Variants in RABL6 observed in about 807,000 individuals in gnomAD.
RABL6 encodes rab-like protein 6.
A neutral mutation model predicts 72.9 loss-of-function variants in RABL6; 28 were observed. The ratio of observed to expected loss-of-function variants is 0.38; its 90% CI spans 0.28 to 0.53. The LOEUF (loss-of-function observed/expected upper bound fraction) is 0.53. Ranked by LOEUF, RABL6 falls within the 20% of genes least tolerant of loss-of-function variation. The pLI is 0.80. For synonymous variants in RABL6, 477 were observed against 421.2 expected (o/e 1.13, Z -1.62); for missense variants, 1,029 against 1,008.4 (o/e 1.02, Z -0.28).
Position 136,808,325 on chromosome 9 carries a change from C to T in RABL6, c.129C>T (p.Asn43=), listed in dbSNP as rs750394073. The change falls in exon 1 of 15, where the codon AAC becomes AAT. Residue 43 remains asparagine (N), a splice_region_variant and synonymous_variant. Coordinates refer to ENST00000311502, the MANE Select transcript of RABL6 (RefSeq NM_024718.5). ...QRRFAKGVQY[N]MKIVIRGDRN... is the part of the protein sequence containing the mutation. ...GCTTCGCCAAGGGGGTGCAGTACAA[C>T]AGTGAGTGCGGCGGGCCGGGGGGGC... 4 of 1,531,862 alleles carry T rather than the reference C, an allele frequency of 2.6e-6. No individual in the cohort carries two copies. The South Asian group carries it at 3.6e-5, about 14-fold the overall frequency. 94.9% of individuals were successfully genotyped at this position (1,531,862 alleles called of 1,614,324 possible). A position where few individuals can be genotyped will look rare whatever the true frequency, so the allele number is the denominator to read the frequency against.
At chr9:136,821,375 C>T (rs756036472) in intron 1 of RABL6, 303 of 985,350 alleles carry the variant, frequency 3.1e-4, no homozygotes, top group Non-Finnish European at 3.6e-4. Context: ...GTGGAAACCA[C>T]CGGGAAGCAC....
At chr9:136,815,313 G>T in intron 1 of RABL6, 1 of 279,660 alleles carries the variant, frequency 3.6e-6, no homozygotes, top group Non-Finnish European at 7.2e-6. Flanking sequence ...CTTGGTGGGT[G>T]TGGCACCTGC....
At chr9:136,818,061 CAAAAAA>C (rs35850059) in intron 1 of RABL6, among the ~76,000 whole-genome samples, 9 of 78,482 alleles carry the variant, frequency 1.1e-4, no homozygotes, top group Non-Finnish European at 1.8e-4. Flanking sequence ...GACTCCATCT[CAAAAAA>C]AAAAAAAAAA....
intron 5 of RABL6, among the ~76,000 whole-genome samples, chr9:136,830,573 G>A (rs902684594): frequency 7.2e-5 from 11 of 152,246 alleles, no homozygotes; most frequent in East Asian, 1.9e-4. Flanking sequence ...CTCTCCCTCC[G>A]GCCTCTCCTG....
chr9:136,813,561 G>T, intron 1 of RABL6: 1 of 384,024 alleles, frequency 2.6e-6, no homozygotes, highest in Admixed American at 3.7e-5. Flanking sequence ...AATATAAGCA[G>T]TCCCTTTACT....
At chr9:136,819,046 G>A (rs1415956266) in intron 1 of RABL6, among the ~76,000 whole-genome samples, 2 of 151,890 alleles carry the variant, frequency 1.3e-5, no homozygotes, top group African/African-American at 4.8e-5. Flanking sequence ...GTCCAGGCCG[G>A]GCGCGGTGGC....
intron 5 of RABL6, among the ~76,000 whole-genome samples, chr9:136,831,470 G>A (rs893740631): frequency 2.6e-5 from 4 of 152,166 alleles, no homozygotes; most frequent in Non-Finnish European, 4.4e-5. Context: ...AGGCAGGGGC[G>A]TTCCAGTGTG....
intron 6 of RABL6, 167 bp downstream of exon 6, chr9:136,832,028 AG>A (rs1331122310): frequency 6.1e-5 from 69 of 1,131,368 alleles, no homozygotes; most frequent in Non-Finnish European, 8.2e-5. Flanking sequence ...CCCCGATGGC[AG>A]GGCCGGGAAC....
Position 136,839,203 on chromosome 9 carries a change from C to T in RABL6, c.1494-19C>T, listed in dbSNP as rs766993694. 10 of 1,595,004 alleles carry T rather than the reference C, an allele frequency of 6.3e-6. No individual in the cohort carries two copies. Among genetic ancestry groups the T allele is most frequent in the East Asian group, 2.3e-5 (1 of 44,066 alleles). On this transcript the variant is annotated intron_variant, in intron 11 of 14. Coordinates refer to ENST00000311502, the MANE Select transcript of RABL6 (RefSeq NM_024718.5). ...ACGCCTCCAGAGGACCCTGACTGACCCTCTGCTTGTCCACAAAGGTCCTCC... is the reference window on the plus strand; with the variant it reads ...ACGCCTCCAGAGGACCCTGACTGACTCTCTGCTTGTCCACAAAGGTCCTCC...
chr9:136,839,217 C>T lies in RABL6; in HGVS notation c.1494-5C>T. ...CCCTGACTGACCCTCTGCTTGTCCA[C>T]AAAGGTCCTCCATACCAGCTTCGAA... On this transcript the variant is annotated splice_region_variant and splice_polypyrimidine_tract_variant and intron_variant, in intron 11 of 14. Transcript: ENST00000311502. The T allele has an allele frequency of 6.3e-7, 1 of 1,595,762 alleles. No homozygotes were observed. Among genetic ancestry groups the T allele is most frequent in the Non-Finnish European group, 8.5e-7 (1 of 1,170,638 alleles).
intron 12 of RABL6, 82 bp downstream of exon 12, chr9:136,839,568 G>A: frequency 6.4e-7 from 1 of 1,554,512 alleles, no homozygotes; most frequent in South Asian, 1.2e-5. Context: ...GGTGCAGTGG[G>A]AGGAGGCTTC....
At position 136,826,155 on chromosome 9, in the gene RABL6, C is replaced by A. The variant is rs1284147673; in HGVS notation, c.313+329C>A. On this transcript the variant is annotated intron_variant, in intron 3 of 14. Transcript: ENST00000311502. This position sits in a 1 kb window ranked among gnomAD's most constrained non-coding sequence, Gnocchi z 4.9. ...GGAGCCCTCCTCCTGCACTGCCTGG[C>A]GGAGTAGCCCAGCACCAGGCGGCCC... 2.6e-5 allele frequency among the ~76,000 whole-genome samples: 4 copies of A among 152,158 alleles called. No individual in the cohort carries two copies. Among genetic ancestry groups the A allele is most frequent in the Admixed American group, 1.3e-4 (2 of 15,286 alleles).
intron 5 of RABL6, among the ~76,000 whole-genome samples, chr9:136,830,079 C>T (rs547133191): frequency 2.6e-5 from 4 of 152,326 alleles, no homozygotes; most frequent in East Asian, 1.9e-4. Flanking sequence ...GAACGAGGGC[C>T]GCGTGAAGAC....
Position 136,824,475 on chromosome 9 carries a change from G to A in RABL6, c.265+816G>A, listed in dbSNP as rs534039147. Among the ~76,000 whole-genome samples the A allele has an allele frequency of 1.4e-4, 21 of 151,296 alleles. No homozygotes were observed. In the South Asian group the frequency reaches 1.5e-3, roughly 11 times the overall value. On this transcript the variant is annotated intron_variant, in intron 2 of 14. Transcript: ENST00000311502. ...CTCCTGAGTAGCTGGGATTACAGGC[G>A]CCCGCCACCACACCCAGCTAATTAT... is the stretch of plus-strand genomic sequence containing the variant.
chr9:136,823,492 A>C, intron 1 of RABL6, 33 bp from the exon 2 acceptor site: 1 of 1,611,742 alleles, frequency 6.2e-7, no homozygotes, highest in Non-Finnish European at 8.5e-7. Context: ...GGTTCGTTTA[A>C]TTTGCCTTTT....
chr9:136,811,140 A>G (rs1243572291), intron 1 of RABL6, among the ~76,000 whole-genome samples: 1 of 152,218 alleles, frequency 6.6e-6, no homozygotes, highest in Non-Finnish European at 1.5e-5. Flanking sequence ...ATGAGTGACC[A>G]TGGCTCGTGA....
chr9:136,834,806 G>A (rs1305069099), intron 7 of RABL6, among the ~76,000 whole-genome samples: 1 of 151,966 alleles, frequency 6.6e-6, no homozygotes, highest in African/African-American at 2.4e-5. Context: ...AACCTCTCCA[G>A]GCTGGGCGCA....
rs749557760 is a variant in RABL6 at position 136,839,181 on chromosome 9, C to T, written c.1494-41C>T. ...GACCCGGGTGGGGCAGTTCAGGACGCCTCCAGAGGACCCTGACTGACCCTC... is the reference window on the plus strand; with the variant it reads ...GACCCGGGTGGGGCAGTTCAGGACGTCTCCAGAGGACCCTGACTGACCCTC... On this transcript the variant is annotated intron_variant, in intron 11 of 14. Coordinates refer to ENST00000311502, the MANE Select transcript of RABL6 (RefSeq NM_024718.5). 8.1e-6 allele frequency: 13 copies of T among 1,599,178 alleles called. No individual in the cohort carries two copies. The South Asian group carries it at 8.9e-5, about 11-fold the overall frequency.
At chr9:136,832,107 C>A (rs1049885451) in intron 6 of RABL6, 158 bp from the exon 7 acceptor site, 12 of 875,060 alleles carry the variant, frequency 1.4e-5, no homozygotes, top group Non-Finnish European at 2.1e-5. Flanking sequence ...GAAGGGCACT[C>A]GGCTTAGCTG....
Sources: allele counts gnomAD v4.1 joint callset (sites outside exome capture counted in the v4.1 genomes callset), GRCh38; gene constraint gnomAD v4.1.1; non-coding constraint Gnocchi (gnomAD v3.1); transcripts MANE v1.5; gene names NCBI Gene and HGNC (gene_info 2026-07-23, HGNC 2026-07-21).